The following POLR1A variants were observed in gnomAD, a reference collection of about 807,000 sequenced individuals.
POLR1A encodes DNA-directed RNA polymerase I subunit RPA1.
Under a neutral mutation model 205.3 loss-of-function variants are expected in POLR1A, and 84 were observed. The ratio of observed to expected loss-of-function variants is 0.41; its 90% CI spans 0.34 to 0.49. The LOEUF (loss-of-function observed/expected upper bound fraction) is 0.49. POLR1A is among the 20% of genes least tolerant of loss of function. The pLI, the probability that POLR1A is intolerant of heterozygous loss-of-function variation, is 0.22. For synonymous variants in POLR1A, 799 were observed against 863.7 expected (o/e 0.93, Z 1.31); for missense variants, 1,645 against 2,204.5 (o/e 0.75, Z 5.08).
In POLR1A at chr2:86,040,379, T is replaced by A; in HGVS notation, c.3740+13A>T. On this transcript the variant is annotated intron_variant, in intron 25 of 33. Coordinates refer to ENST00000263857, the MANE Select transcript of POLR1A (RefSeq NM_015425.6). ...AGGACAGACCCCACCCTGTGCTCCC[T>A]TGTGCCCCACACCTTGGAATGCCCA... 1 of 1,587,722 alleles carries A rather than the reference T, an allele frequency of 6.3e-7. No homozygotes were observed. Among genetic ancestry groups the A allele is most frequent in the Non-Finnish European group, 8.6e-7 (1 of 1,166,384 alleles).
Position 86,026,568 on chromosome 2 carries a change from G to A in POLR1A, c.*855C>T, listed in dbSNP as rs1672253400. 6.6e-6 allele frequency: 1 copy of A among 152,372 alleles called. No homozygotes were observed. Among genetic ancestry groups the A allele is most frequent in the East Asian group, 1.9e-4 (1 of 5,182 alleles). 9.4% of individuals were successfully genotyped at this position (152,372 alleles called of 1,614,324 possible). ...GGCGGCACAGTCCTCTGGGCTGGAG[G>A]CCTGTGTTCCTTCCCATAAGCAGGG... On this transcript the variant is annotated 3_prime_UTR_variant, in exon 34 of 34. Coordinates refer to ENST00000263857, the MANE Select transcript of POLR1A (RefSeq NM_015425.6).
intron 6 of POLR1A, among the ~76,000 whole-genome samples, chr2:86,085,834 G>A (rs1673495255): frequency 6.6e-6 from 1 of 152,184 alleles, no homozygotes; most frequent in Non-Finnish European, 1.5e-5. Context: ...TGTAAGAGGT[G>A]CCATAGGAAA....
At chr2:86,047,769 T>C (rs1460691705) in intron 18 of POLR1A, among the ~76,000 whole-genome samples, 1 of 152,164 alleles carries the variant, frequency 6.6e-6, no homozygotes, top group African/African-American at 2.4e-5. Flanking sequence ...GAACCAAGCA[T>C]GCCCCTTCAG....
At chr2:86,064,485 TG>T (rs1427287957) in intron 14 of POLR1A, among the ~76,000 whole-genome samples, 1 of 152,200 alleles carries the variant, frequency 6.6e-6, no homozygotes, top group African/African-American at 2.4e-5. Flanking sequence ...ATGATGCTTC[TG>T]GGGTTGAAAA....
intron 18 of POLR1A, among the ~76,000 whole-genome samples, chr2:86,047,818 C>T (rs1672735580): frequency 6.6e-6 from 1 of 152,202 alleles, no homozygotes; most frequent in Non-Finnish European, 1.5e-5. Flanking sequence ...GGCTCTGAGT[C>T]TGGGGCTTCT....
intron 24 of POLR1A, among the ~76,000 whole-genome samples, chr2:86,041,366 C>T (rs116470570): frequency 0.092 from 8,280 of 90,262 alleles, 436 homozygotes; most frequent in East Asian, 0.32. Context: ...TGTGTGTGTG[C>T]GCGCGCGCGC....
chr2:86,092,985 C>T (rs1314334413), intron 3 of POLR1A, among the ~76,000 whole-genome samples: 2 of 152,164 alleles, frequency 1.3e-5, no homozygotes, highest in Admixed American at 1.3e-4. Context: ...AATCCAACAA[C>T]ATATTAAAAA....
At chr2:86,031,211 T>C (rs1672379604) in intron 30 of POLR1A, 119 bp downstream of exon 30, 23 of 1,400,498 alleles carry the variant, frequency 1.6e-5, no homozygotes. Context: ...TGGGAGACCA[T>C]GGGGAATGTT....
rs934299902 is a variant in POLR1A, at chr2:86,024,510, A to G, written c.*2913T>C. Reference sequence around the variant, plus strand: ...CCTTCCTCGGTTTTATTCTTACTCAATGCAGGATAGAAAATGTTTCAAAGA... The same window carrying G: ...CCTTCCTCGGTTTTATTCTTACTCAGTGCAGGATAGAAAATGTTTCAAAGA... On this transcript the variant is annotated 3_prime_UTR_variant, in exon 34 of 34. Transcript: ENST00000263857. 2.0e-5 allele frequency: 3 copies of G among 152,218 alleles called. No individual in the cohort carries two copies. Among genetic ancestry groups the G allele is most frequent in the Non-Finnish European group, 2.9e-5 (2 of 68,054 alleles). The allele number at this position is 152,218 out of a possible 1,614,324, so 9.4% of individuals were successfully genotyped here.
intron 28 of POLR1A, among the ~76,000 whole-genome samples, chr2:86,032,790 T>G (rs1672420872): frequency 6.6e-6 from 1 of 152,232 alleles, no homozygotes; most frequent in Non-Finnish European, 1.5e-5. Context: ...TCTTCCTTTC[T>G]CCTCCTGAAC....
At chr2:86,035,972 C>T (rs1672486112) in intron 27 of POLR1A, among the ~76,000 whole-genome samples, 1 of 152,142 alleles carries the variant, frequency 6.6e-6, no homozygotes, top group Non-Finnish European at 1.5e-5. Context: ...ATTTGCCCTT[C>T]TATGGTTTTG....
rs1338764947 is a variant in POLR1A at position 86,045,673 on chromosome 2, T to A, written c.2830A>T (p.Thr944Ser). ...GTGACAAAGCCACCAGCCCTGGGGG[T>A]GAACTCATAAGGCTCAAAGCAGGGC... ...SLPCFEPYEF[T>S]PRAGGFVTGR... The change falls in exon 20 of 34, where the codon ACC (threonine) becomes TCC (serine). Residue 944 changes from threonine (T) to serine (S), a missense_variant. By Grantham distance (58) the Thr-to-Ser change is moderately conservative. Coordinates refer to ENST00000263857, the MANE Select transcript of POLR1A (RefSeq NM_015425.6). 3.1e-6 allele frequency: 5 copies of A among 1,613,084 alleles called. No homozygotes were observed. Among genetic ancestry groups the A allele is most frequent in the Non-Finnish European group, 4.2e-6 (5 of 1,179,772 alleles).
intron 22 of POLR1A, 140 bp downstream of exon 22, chr2:86,043,999 C>T (rs571684238): frequency 5.0e-5 from 35 of 706,806 alleles, no homozygotes; most frequent in African/African-American, 2.7e-4. Flanking sequence ...GGGCACTGAC[C>T]GGTGTCTTAT....
At chr2:86,074,954 C>T (rs1419386857) in intron 12 of POLR1A, 76 bp downstream of exon 12, 2 of 1,047,494 alleles carry the variant, frequency 1.9e-6, no homozygotes, top group African/African-American at 3.1e-5. Flanking sequence ...GCACCGGAGC[C>T]ACACCTGATG....
intron 9 of POLR1A, among the ~76,000 whole-genome samples, chr2:86,080,314 A>G (rs1673376443): frequency 6.6e-6 from 1 of 152,138 alleles, no homozygotes; most frequent in African/African-American, 2.4e-5. Flanking sequence ...AAACTGTCCT[A>G]TTCTGAGAGG....
At chr2:86,104,089 G>T (rs1347302602) in intron 1 of POLR1A, among the ~76,000 whole-genome samples, 3 of 152,210 alleles carry the variant, frequency 2.0e-5, no homozygotes, top group Non-Finnish European at 2.9e-5. Flanking sequence ...TTATCTGAGG[G>T]AAATGGAGAA....
chr2:86,030,577 T>C (rs1021283470), intron 30 of POLR1A, among the ~76,000 whole-genome samples, 181 bp from the exon 31 acceptor site: 4 of 152,032 alleles, frequency 2.6e-5, no homozygotes, highest in Non-Finnish European at 2.9e-5. Context: ...AGGTCAGCCA[T>C]CTCCAGTCCC....
At chr2:86,099,689 G>A (rs142923455) in intron 2 of POLR1A, among the ~76,000 whole-genome samples, 1 of 152,102 alleles carries the variant, frequency 6.6e-6, no homozygotes, top group African/African-American at 2.4e-5. Context: ...TGCAACAAAA[G>A]GTGTAGGGAA....
In POLR1A at chr2:86,070,494, C is replaced by A. The variant is rs2104413120; in HGVS notation, c.1612-222G>T. ...GCCCTTTACAACCCTGATCCTGGCT[C>A]TAGGCTCAGAAGTATAAGGAACAAA... On this transcript the variant is annotated intron_variant, in intron 12 of 33. Coordinates refer to ENST00000263857, the MANE Select transcript of POLR1A (RefSeq NM_015425.6). This position sits in a 1 kb window ranked among gnomAD's most constrained non-coding sequence, Gnocchi z 4.4. Among the ~76,000 whole-genome samples, 1 of 152,240 alleles carries A rather than the reference C, an allele frequency of 6.6e-6. No homozygotes were observed. The highest frequency in any genetic ancestry group is 2.1e-4 in the South Asian group (1 of 4,824).
Sources: gnomAD v4.1 joint callset for allele counts (sites outside exome capture counted in the v4.1 genomes callset) on GRCh38, gnomAD v4.1.1 for gene constraint, Gnocchi (gnomAD v3.1) non-coding constraint, MANE v1.5 for transcripts, NCBI Gene and HGNC (gene_info 2026-07-23, HGNC 2026-07-21) for gene names.